SLC1A6: variants seen among roughly 807,000 people sequenced by gnomAD.
SLC1A6 encodes the protein solute carrier family 1 member 6, also known as excitatory amino acid transporter 4.
SLC1A6 carries 15 observed loss-of-function variants against 42.1 expected under a neutral mutation model. The observed-to-expected ratio is 0.36, with a 90% confidence interval of 0.24 to 0.55. SLC1A6 has a LOEUF of 0.55. Among genes scored for constraint, SLC1A6 ranks in the 20% least tolerant of loss-of-function variants. The pLI is 0.88. For missense variants in SLC1A6, 542 were observed against 772.5 expected, an observed-to-expected ratio of 0.70 and a Z score of 3.54; for synonymous variants, 317 against 319.7, an observed-to-expected ratio of 0.99 and a Z score of 0.09.
intron 7 of SLC1A6, 49 bp from the exon 8 acceptor site, chr19:14,954,378 C>T: frequency 6.5e-7 from 1 of 1,549,962 alleles, no homozygotes; most frequent in Middle Eastern, 2.1e-4. Flanking sequence ...CTGGTGGGGG[C>T]GGGGCTGGGA....
At chr19:14,951,253 C>CAAAAAAAAA (rs1164185118) in intron 9 of SLC1A6, among the ~76,000 whole-genome samples, 98 of 86,750 alleles carry the variant, frequency 1.1e-3, no homozygotes, top group East Asian at 2.9e-3. Context: ...CTCTGTCTCA[C>CAAAAAAAAA]AAAAAAAAAA....
intron 1 of SLC1A6, among the ~76,000 whole-genome samples, chr19:14,990,637 C>T (rs990180525): frequency 4.7e-4 from 72 of 152,032 alleles, no homozygotes; most frequent in African/African-American, 1.6e-3. Context: ...GGAGTGGTGG[C>T]GCACACCTAT....
intron 1 of SLC1A6, among the ~76,000 whole-genome samples, chr19:14,989,757 G>C (rs2045810116): frequency 4.0e-5 from 1 of 25,102 alleles, no homozygotes; most frequent in African/African-American, 1.6e-4. Context: ...GGTGGCGGGG[G>C]GTGGGGTGTG....
intron 1 of SLC1A6, among the ~76,000 whole-genome samples, chr19:14,991,507 C>A (rs2145232380): frequency 6.6e-6 from 1 of 151,934 alleles, no homozygotes; most frequent in Non-Finnish European, 1.5e-5. Flanking sequence ...CATGTAATCC[C>A]AGCTACTCAG....
chr19:14,972,228 T>C (rs2145203319), intron 2 of SLC1A6, among the ~76,000 whole-genome samples: 1 of 152,276 alleles, frequency 6.6e-6, no homozygotes, highest in South Asian at 2.1e-4. Context: ...TTCCTGGACA[T>C]CTATAGGTGT....
At chr19:14,972,023 T>C in intron 2 of SLC1A6, 149 bp from the exon 3 acceptor site, 4 of 681,580 alleles carry the variant, frequency 5.9e-6, no homozygotes, top group Non-Finnish European at 9.8e-6. Flanking sequence ...CACTGATGTG[T>C]GCAGACATTG....
At chr19:15,010,225 GAGAAA>G (rs145113862) in intron 1 of SLC1A6, among the ~76,000 whole-genome samples, 37 of 89,934 alleles carry the variant, frequency 4.1e-4, no homozygotes, top group Admixed American at 1.4e-3. Flanking sequence ...AAGAGAGAGA[GAGAAA>G]AGAAAAGAAA....
chr19:15,003,060 C>A (rs2045879778), intron 1 of SLC1A6, among the ~76,000 whole-genome samples: 2 of 152,080 alleles, frequency 1.3e-5, no homozygotes, highest in South Asian at 2.1e-4. Context: ...CTCACTGCAA[C>A]CTCCGCCCCC....
chr19:14,989,048 A>G (rs12710291), intron 1 of SLC1A6, among the ~76,000 whole-genome samples: 106,645 of 151,786 alleles, frequency 0.7, 37,827 homozygotes, highest in African/African-American at 0.81. Flanking sequence ...GTCAAATACC[A>G]AATGTTCTCA....
At chr19:14,997,789 C>T (rs971637594) in intron 1 of SLC1A6, among the ~76,000 whole-genome samples, 6 of 152,144 alleles carry the variant, frequency 3.9e-5, no homozygotes, top group African/African-American at 7.2e-5. Context: ...CTCACACAGT[C>T]TTGGAAGGCA....
intron 6 of SLC1A6, 40 bp from the exon 7 acceptor site, chr19:14,956,749 G>A: frequency 7.1e-7 from 1 of 1,414,356 alleles, no homozygotes; most frequent in East Asian, 2.3e-5. Flanking sequence ...GCTCCCTCCT[G>A]ACCTCCCTTG....
intron 1 of SLC1A6, among the ~76,000 whole-genome samples, chr19:14,999,679 A>C (rs912138103): frequency 6.6e-5 from 10 of 152,204 alleles, no homozygotes; most frequent in Admixed American, 2.0e-4. Flanking sequence ...TCAAGTACAC[A>C]CAGTCTCCAA....
intron 7 of SLC1A6, among the ~76,000 whole-genome samples, chr19:14,956,109 A>G (rs1599983083): frequency 6.6e-6 from 1 of 152,098 alleles, no homozygotes; most frequent in East Asian, 1.9e-4. Context: ...AAGAAGAAGG[A>G]GGAGGAGAAG....
intron 3 of SLC1A6, 119 bp from the exon 4 acceptor site, chr19:14,968,626 T>C (rs1453030315): frequency 2.1e-5 from 18 of 846,776 alleles, no homozygotes; most frequent in Non-Finnish European, 3.1e-5. Context: ...AGCATCCCTT[T>C]TCCTATAGCC....
intron 1 of SLC1A6, among the ~76,000 whole-genome samples, chr19:15,004,466 G>A (rs1380915287): frequency 1.3e-5 from 2 of 150,416 alleles, no homozygotes; most frequent in Non-Finnish European, 2.9e-5. Flanking sequence ...CTTTGAGAGG[G>A]TGAGGCAGGA....
chr19:14,998,163 A>G (rs568850589), intron 1 of SLC1A6, among the ~76,000 whole-genome samples: 2 of 152,290 alleles, frequency 1.3e-5, no homozygotes, highest in Admixed American at 1.3e-4. Context: ...AGTTCAGGCC[A>G]TGATAGAAAG....
At chr19:15,008,383 T>C (rs2045906827) in intron 1 of SLC1A6, among the ~76,000 whole-genome samples, 1 of 151,338 alleles carries the variant, frequency 6.6e-6, no homozygotes, top group Non-Finnish European at 1.5e-5. Flanking sequence ...GAATATCTAT[T>C]ATTTTAAAAG....
At chr19:14,978,615 A>G (rs2045736963) in intron 1 of SLC1A6, among the ~76,000 whole-genome samples, 1 of 151,866 alleles carries the variant, frequency 6.6e-6, no homozygotes, top group Admixed American at 6.6e-5. Flanking sequence ...CCTCAGGCAC[A>G]CAACCACACA....
At chr19:15,002,062 C>T (rs1011434287) in intron 1 of SLC1A6, among the ~76,000 whole-genome samples, 9 of 152,082 alleles carry the variant, frequency 5.9e-5, no homozygotes, top group African/African-American at 1.4e-4. Context: ...CTGATGCACA[C>T]GCTATTTCTC....
Sources: allele counts gnomAD v4.1 joint callset (sites outside exome capture counted in the v4.1 genomes callset), GRCh38; gene constraint gnomAD v4.1.1; transcripts MANE v1.5; gene names NCBI Gene and HGNC (gene_info 2026-07-23, HGNC 2026-07-21).